Variants in MYO18B observed in about 807,000 individuals in gnomAD.
MYO18B encodes myosin XVIIIB, also known as unconventional myosin-XVIIIb.
MYO18B carries 204 observed loss-of-function variants against 273.0 expected under a neutral mutation model. The observed-to-expected ratio is 0.75, with a 90% CI of 0.67 to 0.84. The LOEUF (loss-of-function observed/expected upper bound fraction) is 0.84, where lower values mean the gene tolerates loss of function less well. MYO18B is among the 40% of genes least tolerant of loss of function. MYO18B has a pLI of 0.00. For synonymous variants in MYO18B, 1,330 were observed against 1,305.7 expected (o/e 1.02, Z -0.40); for missense variants, 3,212 against 3,287.6 (o/e 0.98, Z 0.56).
rs373768006 is a variant in MYO18B at position 25,752,920 on chromosome 22, C to G, written c.-109-8064C>G. Among the ~76,000 whole-genome samples the G allele has an allele frequency of 6.8e-4, 103 of 152,310 alleles. No individual in the cohort carries two copies. The East Asian group carries it at 9.1e-3, about 13-fold the overall frequency. On this transcript the variant is annotated intron_variant, in intron 1 of 43. Transcript: ENST00000335473. ...AGCGGCCGGCTCGCGCCGCTAGCCC[C>G]GGACAGTGAGGCGCTTAGCACCCAG...
chr22:26,032,819 C>T (rs1017861574), downstream of MYO18B, among the ~76,000 whole-genome samples: 25 of 152,088 alleles, frequency 1.6e-4, 1 homozygote, highest in Middle Eastern at 6.8e-3. Flanking sequence ...TTAAAGGTCC[C>T]GTCTCCAAAC....
In MYO18B at chr22:25,992,492, A is replaced by T; in HGVS notation, c.6286A>T (p.Ser2096Cys). Residue 2096 changes from serine to cysteine, a missense_variant and splice_region_variant, in exon 40 of 44, where the codon AGT (serine) becomes TGT (cysteine). Coordinates refer to ENST00000335473, the MANE Select transcript of MYO18B (RefSeq NM_032608.7). ...GGCATCCAGTGACAGTGATACTGAGAGGTAACTTGCTAGGGGCTCGGCGGG... is the reference window on the plus strand; with the variant it reads ...GGCATCCAGTGACAGTGATACTGAGTGGTAACTTGCTAGGGGCTCGGCGGG... ...EVASSDSDTESVQTAVDCGSS... is the reference protein window; with the variant it reads ...EVASSDSDTECVQTAVDCGSS... 1 of 1,613,850 alleles carries T rather than the reference A, an allele frequency of 6.2e-7. No homozygotes were observed. The highest frequency in any genetic ancestry group is 1.6e-4 in the Middle Eastern group (1 of 6,062).
the MYO18B span, among the ~76,000 whole-genome samples, chr22:26,039,472 A>C: frequency 2.0e-5 from 3 of 152,058 alleles, no homozygotes; most frequent in African/African-American, 4.8e-5. Flanking sequence ...AAAGGCTTAC[A>C]CTAGTCTCAC....
chr22:25,947,976 C>A (rs1173880673), intron 36 of MYO18B, 148 bp downstream of exon 36: 2 of 650,552 alleles, frequency 3.1e-6, no homozygotes, highest in Non-Finnish European at 5.5e-6. Flanking sequence ...TTGTGCATTT[C>A]CTGTGGTCCT....
At chr22:25,778,037 A>G (rs140810764) in intron 8 of MYO18B, among the ~76,000 whole-genome samples, 73 of 152,298 alleles carry the variant, frequency 4.8e-4, no homozygotes, top group African/African-American at 1.6e-3. Context: ...CATTGTTAGA[A>G]CCGGATACTT....
At chr22:25,875,608 T>G (rs1282686786) in intron 23 of MYO18B, among the ~76,000 whole-genome samples, 2 of 152,224 alleles carry the variant, frequency 1.3e-5, no homozygotes, top group Non-Finnish European at 2.9e-5. Context: ...AATGCACATT[T>G]GCAGGCTCCA....
chr22:25,937,743 G>A (rs1038634004), intron 34 of MYO18B, among the ~76,000 whole-genome samples: 4 of 151,958 alleles, frequency 2.6e-5, no homozygotes, highest in Admixed American at 6.6e-5. Context: ...GCACCACCGC[G>A]CCTGGCTGAT....
intron 34 of MYO18B, among the ~76,000 whole-genome samples, chr22:25,924,059 G>A (rs971888405): frequency 9.9e-5 from 15 of 152,266 alleles, no homozygotes; most frequent in African/African-American, 2.4e-4. Flanking sequence ...TTGGCTTTTC[G>A]TTGCTGTTGT....
At chr22:25,857,545 C>T (rs1338258527) in intron 21 of MYO18B, among the ~76,000 whole-genome samples, 1 of 152,240 alleles carries the variant, frequency 6.6e-6, no homozygotes. Flanking sequence ...GAGCTGTCTG[C>T]TCTCTAGGTG....
rs375159435 is a variant in MYO18B at position 25,772,486 on chromosome 22, G to T, written c.1845G>T (p.Gly615=). 2.6e-4 allele frequency: 420 copies of T among 1,613,718 alleles called. No individual in the cohort carries two copies. Among genetic ancestry groups the T allele is most frequent in the Non-Finnish European group, 3.3e-4 (394 of 1,179,904 alleles). The change falls in exon 7 of 44, where the codon GGG becomes GGT. Residue 615 remains glycine, a synonymous_variant. Transcript: ENST00000335473. ...ATCTGATTGTCCTCCAGCCCCGGGGGCCCTCGGTGCCTTCTGCAGGGAAGG... is the reference window on the plus strand; with the variant it reads ...ATCTGATTGTCCTCCAGCCCCGGGGTCCCTCGGTGCCTTCTGCAGGGAAGG... ...GPDLIVLQPR[G]PSVPSAGKVP...
At chr22:25,781,328 G>A (rs774682242) in intron 9 of MYO18B, among the ~76,000 whole-genome samples, 8 of 152,174 alleles carry the variant, frequency 5.3e-5, no homozygotes, top group Non-Finnish European at 1.2e-4. Context: ...GTGGATCAGA[G>A]GCTGGGCGTG....
intron 21 of MYO18B, among the ~76,000 whole-genome samples, chr22:25,860,380 C>T (rs1875460307): frequency 6.6e-6 from 1 of 152,064 alleles, no homozygotes; most frequent in Admixed American, 6.5e-5. Context: ...TACTTCCTTC[C>T]TTTCACTTGA....
chr22:26,020,851 G>A (rs2146987188), intron 42 of MYO18B, among the ~76,000 whole-genome samples: 1 of 152,314 alleles, frequency 6.6e-6, no homozygotes, highest in East Asian at 1.9e-4. Flanking sequence ...CAGTTTGGGA[G>A]GCCAAGGTGG....
chr22:25,841,868 C>G (rs2090091635), intron 17 of MYO18B, among the ~76,000 whole-genome samples: 1 of 152,214 alleles, frequency 6.6e-6, no homozygotes, highest in African/African-American at 2.4e-5. Context: ...ATTGTAAATG[C>G]AGCACGGACA....
intron 12 of MYO18B, among the ~76,000 whole-genome samples, chr22:25,802,393 A>C (rs144284397): frequency 1.4e-3 from 208 of 152,232 alleles, no homozygotes; most frequent in Non-Finnish European, 2.4e-3. Flanking sequence ...CTATGCAGGC[A>C]TGATTGATCA....
chr22:25,930,490 C>T (rs1267808173), intron 34 of MYO18B, among the ~76,000 whole-genome samples: 6 of 151,208 alleles, frequency 4.0e-5, no homozygotes, highest in African/African-American at 9.8e-5. Context: ...TCTGCTGTCT[C>T]GGGGCTATTA....
At chr22:25,845,827 A>G (rs1344311186) in intron 18 of MYO18B, among the ~76,000 whole-genome samples, 1 of 152,254 alleles carries the variant, frequency 6.6e-6, no homozygotes, top group Non-Finnish European at 1.5e-5. Context: ...AAGAATATCC[A>G]TAGGACAGAT....
chr22:25,802,595 T>A (rs2088253893), intron 12 of MYO18B, among the ~76,000 whole-genome samples: 1 of 150,698 alleles, frequency 6.6e-6, no homozygotes, highest in Non-Finnish European at 1.5e-5. Flanking sequence ...TAAAAAAAAA[T>A]ACAAAAAATT....
the MYO18B span, among the ~76,000 whole-genome samples, chr22:26,044,389 A>G: frequency 6.6e-6 from 1 of 152,316 alleles, no homozygotes; most frequent in East Asian, 1.9e-4. Flanking sequence ...CTTTCTAAGA[A>G]ATCTTTGCCT....
Sources: gnomAD v4.1 joint callset for allele counts (sites outside exome capture counted in the v4.1 genomes callset) on GRCh38, gnomAD v4.1.1 for gene constraint, MANE v1.5 for transcripts, NCBI Gene and HGNC (gene_info 2026-07-23, HGNC 2026-07-21) for gene names.